COL25A1: variants seen among roughly 807,000 people sequenced by gnomAD.
The protein encoded by COL25A1 is collagen alpha-1(XXV) chain.
In COL25A1, 103 loss-of-function variants were observed where a neutral mutation model predicts 128.4. That is an observed-to-expected ratio of 0.80 (90% CI 0.68 to 0.94). The LOEUF (loss-of-function observed/expected upper bound fraction) is 0.94. Ranked by LOEUF, COL25A1 falls within the 40% of genes least tolerant of loss-of-function variation. The pLI is 0.00. For synonymous variants in COL25A1, 279 were observed against 277.2 expected (o/e 1.01, Z -0.06); for missense variants, 745 against 840.0 (o/e 0.89, Z 1.40).
At chr4:109,288,780 G>T (rs1397969455) in intron 3 of COL25A1, among the ~76,000 whole-genome samples, 2 of 151,944 alleles carry the variant, frequency 1.3e-5, no homozygotes, top group Non-Finnish European at 2.9e-5. Flanking sequence ...ATAGCAATTA[G>T]CACCACCGCA....
At chr4:109,058,789 C>T (rs1275821271) in intron 3 of COL25A1, among the ~76,000 whole-genome samples, 5 of 152,104 alleles carry the variant, frequency 3.3e-5, no homozygotes, top group Non-Finnish European at 5.9e-5. Flanking sequence ...GATATTTAAG[C>T]GGGTGCTAAA....
At chr4:109,219,739 T>G (rs965199872) in intron 3 of COL25A1, among the ~76,000 whole-genome samples, 5 of 152,190 alleles carry the variant, frequency 3.3e-5, no homozygotes, top group Non-Finnish European at 7.3e-5. Flanking sequence ...AAGCTATTAC[T>G]TTCTGGTGGC....
chr4:109,017,346 G>A (rs1757317618), intron 5 of COL25A1, among the ~76,000 whole-genome samples: 1 of 152,202 alleles, frequency 6.6e-6, no homozygotes, highest in Non-Finnish European at 1.5e-5. Context: ...AGCATGAGCT[G>A]AGCACAGCCT....
At chr4:109,176,333 T>C (rs1172183881) in intron 3 of COL25A1, among the ~76,000 whole-genome samples, 3 of 152,158 alleles carry the variant, frequency 2.0e-5, no homozygotes, top group Non-Finnish European at 4.4e-5. Context: ...GAGATTGCAG[T>C]GAGCCAAGAT....
intron 3 of COL25A1, among the ~76,000 whole-genome samples, chr4:109,293,499 C>T (rs1724670163): frequency 6.6e-6 from 1 of 152,048 alleles, no homozygotes; most frequent in Non-Finnish European, 1.5e-5. Flanking sequence ...GAGCTGGCTA[C>T]AATTCATACA....
At chr4:109,067,577 T>A (rs942545686) in intron 3 of COL25A1, among the ~76,000 whole-genome samples, 2 of 152,200 alleles carry the variant, frequency 1.3e-5, no homozygotes, top group Non-Finnish European at 2.9e-5. Context: ...ATTTAGGATA[T>A]CAGGAAGCAC....
At chr4:108,846,090 A>T in intron 28 of COL25A1, 49 bp downstream of exon 28, 3 of 1,192,446 alleles carry the variant, frequency 2.5e-6, no homozygotes, top group Non-Finnish European at 3.7e-6. Context: ...ATTTATCTTA[A>T]TAAGAACATA....
intron 35 of COL25A1, chr4:108,819,961 A>C: frequency 1.2e-6 from 1 of 823,758 alleles, no homozygotes; most frequent in Non-Finnish European, 1.6e-6. Context: ...CGGTAATTCA[A>C]AAGATGGTTT....
Position 108,860,917 on chromosome 4 carries a change from G to A in COL25A1, c.1242+10C>T, listed in dbSNP as rs1737129206. On this transcript the variant is annotated intron_variant, in intron 23 of 37. Coordinates refer to ENST00000399132, the MANE Select transcript of COL25A1 (RefSeq NM_198721.4). ...GAGCAAAAGTTTAGATGGATGAGAG[G>A]AACACTCACCCTTGGTCCCTGAGCT... 2 of 1,612,572 alleles carry A rather than the reference G, an allele frequency of 1.2e-6. No homozygotes were observed. The highest frequency in any genetic ancestry group is 3.3e-5 in the Admixed American group (2 of 59,966).
At chr4:109,093,242 A>T (rs1353343588) in intron 3 of COL25A1, among the ~76,000 whole-genome samples, 1 of 152,170 alleles carries the variant, frequency 6.6e-6, no homozygotes, top group African/African-American at 2.4e-5. Flanking sequence ...CCCCCTATTT[A>T]GTCTAAGATG....
intron 3 of COL25A1, among the ~76,000 whole-genome samples, chr4:109,088,181 C>A (rs991424212): frequency 1.3e-5 from 2 of 152,112 alleles, no homozygotes; most frequent in African/African-American, 4.8e-5. Context: ...TTGTCTAGCA[C>A]TTGAGAAAGT....
chr4:109,225,422 C>T lies in COL25A1; in HGVS notation c.367+75161G>A, dbSNP rs187919759. Among the ~76,000 whole-genome samples the T allele has an allele frequency of 2.9e-3, 434 of 152,224 alleles. 4 individuals are homozygous for T. Among genetic ancestry groups the T allele is most frequent in the Non-Finnish European group, 4.5e-3 (304 of 67,994 alleles). On this transcript the variant is annotated intron_variant, in intron 3 of 37. Transcript: ENST00000399132. ...CAATGAGATACCATCTTACTCCAGT[C>T]AGAATAGCTATTACTAAAAAGACAA...
chr4:109,144,225 G>C (rs529091948), intron 3 of COL25A1, among the ~76,000 whole-genome samples: 71 of 152,330 alleles, frequency 4.7e-4, no homozygotes, highest in African/African-American at 1.2e-3. Flanking sequence ...ACCAGCGGAG[G>C]CTGCAGAACA....
At chr4:108,833,401 G>T (rs1397711760) in intron 31 of COL25A1, among the ~76,000 whole-genome samples, 1 of 152,198 alleles carries the variant, frequency 6.6e-6, no homozygotes, top group Non-Finnish European at 1.5e-5. Context: ...TGCAGTAGAA[G>T]AGGTGATATT....
intron 3 of COL25A1, among the ~76,000 whole-genome samples, chr4:109,065,535 CGCGCGCGCGCGT>C (rs1180405992): frequency 7.8e-6 from 1 of 128,544 alleles, no homozygotes; most frequent in Non-Finnish European, 1.7e-5. Flanking sequence ...GTGCAGCACG[CGCGCGCGCGCGT>C]GTGTGTGTGT....
chr4:109,196,458 T>C (rs1267386982), intron 3 of COL25A1, among the ~76,000 whole-genome samples: 1 of 152,198 alleles, frequency 6.6e-6, no homozygotes, highest in African/African-American at 2.4e-5. Flanking sequence ...TATGTTTACA[T>C]AGAGAGTATA....
chr4:109,059,394 G>A (rs560954891), intron 3 of COL25A1, among the ~76,000 whole-genome samples: 1 of 152,294 alleles, frequency 6.6e-6, no homozygotes, highest in South Asian at 2.1e-4. Context: ...CACACTATAG[G>A]TCAGTGTATT....
In COL25A1 at chr4:108,852,274, G is replaced by A. The variant is rs748730993; in HGVS notation, c.1351C>T (p.Pro451Ser). 2 of 1,590,136 alleles carry A rather than the reference G, an allele frequency of 1.3e-6. No individual in the cohort carries two copies. Among genetic ancestry groups the A allele is most frequent in the Non-Finnish European group, 1.7e-6 (2 of 1,172,884 alleles). The stretch of plus-strand genomic sequence containing the variant: ...AGTCCTTGAGGTCCAGGAGGTCCAG[G>A]GGGACCCTAAATCAAGAAAAAGCAC... ...RITTLTVTGP[P>S]GPPGPQGLQG... Residue 451 changes from proline to serine, a missense_variant, in exon 26 of 38, where the codon CCT becomes TCT. This residue lies in a region of COL25A1 where 387 missense variants were observed against 441.9 expected (regional missense o/e 0.88). Coordinates refer to ENST00000399132, the MANE Select transcript of COL25A1 (RefSeq NM_198721.4).
At chr4:108,828,232 C>T (rs1263870878) in intron 32 of COL25A1, among the ~76,000 whole-genome samples, 2 of 152,108 alleles carry the variant, frequency 1.3e-5, no homozygotes, top group Admixed American at 6.6e-5. Flanking sequence ...CCTCCACCTC[C>T]CAGGTTCAAG....
Sources: allele counts gnomAD v4.1 joint callset (sites outside exome capture counted in the v4.1 genomes callset), GRCh38; gene constraint gnomAD v4.1.1; regional missense constraint gnomAD v4.1.1; transcripts MANE v1.5; gene names NCBI Gene and HGNC (gene_info 2026-07-23, HGNC 2026-07-21).